The following ZNF831 variants were observed in gnomAD, a reference collection of about 807,000 sequenced individuals.
ZNF831 encodes zinc finger protein 831, also known as chromosome 20 open reading frame 174.
In ZNF831, 59 loss-of-function variants were observed where a neutral mutation model predicts 95.8. The ratio of observed to expected loss-of-function variants is 0.62; its 90% CI spans 0.50 to 0.77. The LOEUF (loss-of-function observed/expected upper bound fraction) is 0.77. ZNF831 is among the 30% of genes least tolerant of loss of function. The pLI is 0.00. For synonymous variants in ZNF831, 961 were observed against 925.5 expected (o/e 1.04, Z -0.70); for missense variants, 2,205 against 2,164.0 (o/e 1.02, Z -0.38).
At chr20:59,210,003 C>T (rs1985181256) in intron 4 of ZNF831, among the ~76,000 whole-genome samples, 1 of 152,162 alleles carries the variant, frequency 6.6e-6, no homozygotes, top group Non-Finnish European at 1.5e-5. Context: ...TCATACCCAT[C>T]CACAGGTTCC....
At position 59,210,989 on chromosome 20, in the gene ZNF831, C is replaced by T. The variant is rs1196299911; in HGVS notation, c.4027+3933C>T. On this transcript the variant is annotated intron_variant, in intron 4 of 5. Transcript: ENST00000371030. ...CGGAGCTTGCAGTGAGCCGAGATTG[C>T]GCCACTGCAGTCCGCAGTCCGGCCT... Among the ~76,000 whole-genome samples the T allele has an allele frequency of 5.1e-5, 4 of 79,108 alleles. 1 individual carries two copies. Among genetic ancestry groups the T allele is most frequent in the Non-Finnish European group, 9.4e-5 (4 of 42,696 alleles). The allele number at this position is 79,108 out of a possible 152,430, so 51.9% of individuals were successfully genotyped here. A position where few individuals can be genotyped will look rare whatever the true frequency, so the allele number is the denominator to read the frequency against.
chr20:59,238,353 C>A (rs966631155), intron 4 of ZNF831, among the ~76,000 whole-genome samples: 1 of 152,158 alleles, frequency 6.6e-6, no homozygotes, highest in Admixed American at 6.5e-5. Context: ...AGTGTCCTGA[C>A]CCCCCAGTTT....
In ZNF831 at chr20:59,129,788, C is replaced by T. The variant is rs146215605; in HGVS notation, c.-1425+6283C>T. On this transcript the variant is annotated intron_variant, in intron 1 of 7. Coordinates refer to the ZNF831 transcript ENST00000637017. The stretch of plus-strand genomic sequence containing the variant: ...GGAGAATGCTATACATTGACTCACA[C>T]GGTGTGCAGGATTGGCCTTTTTCAT... 1.0e-3 allele frequency among the ~76,000 whole-genome samples: 154 copies of T among 152,340 alleles called. 1 individual carries two copies. The highest frequency in any genetic ancestry group is 3.0e-3 in the African/African-American group (125 of 41,586).
In ZNF831 at chr20:59,254,299, C is replaced by A. The variant is rs780097193; in HGVS notation, c.4590C>A (p.Asp1530Glu). 1 of 1,614,064 alleles carries A rather than the reference C, an allele frequency of 6.2e-7. No homozygotes were observed. The highest frequency in any genetic ancestry group is 1.1e-5 in the South Asian group (1 of 91,060). Residue 1530 changes from aspartate (D) to glutamate (E), a missense_variant, in exon 6 of 6, where the codon GAC (aspartate) becomes GAA (glutamate). Physicochemically the swap from Asp to Glu is conservative, Grantham distance 45 (BLOSUM62 2). Coordinates refer to ENST00000371030, the MANE Select transcript of ZNF831 (RefSeq NM_178457.3). This position sits in a 1 kb window ranked among gnomAD's most constrained non-coding sequence, Gnocchi z 4.5. The part of the protein sequence containing the change: ...AGRTLTSSSP[D>E]SKVTEEGRAQ... ...GGACTCTGACATCAAGCTCCCCAGA[C>A]AGCAAAGTCACAGAAGAGGGCAGAG...
intron 1 of ZNF831, among the ~76,000 whole-genome samples, chr20:59,143,008 T>C (rs1203013344): frequency 6.6e-6 from 1 of 152,152 alleles, no homozygotes; most frequent in African/African-American, 2.4e-5. Flanking sequence ...AAAGGGATCC[T>C]CCTGCCACAG....
At chr20:59,166,554 A>G (rs1242282338) in intron 1 of ZNF831, among the ~76,000 whole-genome samples, 8 of 151,844 alleles carry the variant, frequency 5.3e-5, no homozygotes, top group Admixed American at 5.2e-4. Flanking sequence ...GGACACCCCA[A>G]ATCCCTCCTG....
chr20:59,244,479 G>A (rs1987495101), intron 4 of ZNF831, among the ~76,000 whole-genome samples: 1 of 152,164 alleles, frequency 6.6e-6, no homozygotes, highest in African/African-American at 2.4e-5. Context: ...ATTATTTTGA[G>A]TTTGAATTTT....
rs561801458 is a variant in ZNF831 at position 59,199,607 on chromosome 20, A to ATT, written c.3875+3602_3875+3603insTT. 7.5e-4 allele frequency among the ~76,000 whole-genome samples: 114 copies of ATT among 152,244 alleles called. 3 individuals carry two copies. In the East Asian group the frequency reaches 0.015, roughly 21 times the overall value. ...GTAGAGTGTCTCATCCATGAGTAAG[A>ATT]GTTTGCCCTTCATTCATATGCTTCC... On this transcript the variant is annotated intron_variant, in intron 3 of 5. Transcript: ENST00000371030.
intron 1 of ZNF831, among the ~76,000 whole-genome samples, chr20:59,131,010 T>A (rs776479097): frequency 2.6e-5 from 4 of 152,122 alleles, no homozygotes; most frequent in Non-Finnish European, 5.9e-5. Context: ...GCATGGTAGG[T>A]GCTCAGTAAA....
rs2146603510 is a variant in ZNF831, at chr20:59,194,672, A to G, written c.3653A>G (p.Asp1218Gly). 6.2e-7 allele frequency: 1 copy of G among 1,613,022 alleles called. No homozygotes were observed. The highest frequency in any genetic ancestry group is 8.5e-7 in the Non-Finnish European group (1 of 1,179,620). Residue 1218 changes from aspartate to glycine, a missense_variant, in exon 2 of 6, where the codon GAT becomes GGT. Coordinates refer to ENST00000371030, the MANE Select transcript of ZNF831 (RefSeq NM_178457.3). The stretch of plus-strand genomic sequence containing the variant: ...CACTTTCCTGGTAGCAGCCTCCGAG[A>G]TGAGGGTCCCAATGGCCCTCCTGGG... The part of the protein sequence containing the change: ...AVHFPGSSLR[D>G]EGPNGPPGSN...
rs756314247 is a variant in ZNF831 at position 59,169,115 on chromosome 20, G to T, written c.-37+4908G>T. On this transcript the variant is annotated intron_variant, in intron 1 of 5. Transcript: ENST00000371030. The surrounding 1 kb of genome is among the most constrained non-coding windows in gnomAD (Gnocchi z 4.1). ...TTTTCTGTTTTCCGGATAAAGTTGC[G>T]TCGAATTTGTGTTAATTCTTCTTTT... Among the ~76,000 whole-genome samples, 5 of 152,160 alleles carry T rather than the reference G, an allele frequency of 3.3e-5. No homozygotes were observed. The highest frequency in any genetic ancestry group is 1.3e-4 in the Admixed American group (2 of 15,278).
chr20:59,200,577 T>C (rs1176483087), intron 3 of ZNF831, among the ~76,000 whole-genome samples: 1 of 152,184 alleles, frequency 6.6e-6, no homozygotes, highest in Non-Finnish European at 1.5e-5. Flanking sequence ...ATCATGAACA[T>C]ATCTGTCAAG....
intron 4 of ZNF831, among the ~76,000 whole-genome samples, chr20:59,246,181 C>T (rs1198644448): frequency 6.6e-6 from 1 of 152,042 alleles, no homozygotes; most frequent in Non-Finnish European, 1.5e-5. Context: ...AGGGATGGGT[C>T]TGGGGGTCTC....
intron 4 of ZNF831, among the ~76,000 whole-genome samples, chr20:59,238,724 G>A (rs944468784): frequency 3.3e-5 from 5 of 152,182 alleles, no homozygotes; most frequent in Non-Finnish European, 7.3e-5. Flanking sequence ...ACCAAGATGA[G>A]ATCTTATATA....
At chr20:59,171,633 G>A (rs922739318) in intron 1 of ZNF831, among the ~76,000 whole-genome samples, 6 of 152,206 alleles carry the variant, frequency 3.9e-5, no homozygotes, top group African/African-American at 1.4e-4. Context: ...AGCCTAAATT[G>A]TAAAGTTAAC....
chr20:59,182,792 G>A (rs180677435), intron 1 of ZNF831, among the ~76,000 whole-genome samples: 13 of 152,262 alleles, frequency 8.5e-5, no homozygotes, highest in Admixed American at 6.5e-4. Context: ...GAATGAATTT[G>A]GGTGAAGTCA....
chr20:59,230,472 T>C (rs1302778806), intron 4 of ZNF831, among the ~76,000 whole-genome samples: 3 of 151,752 alleles, frequency 2.0e-5, no homozygotes, highest in Non-Finnish European at 4.4e-5. Flanking sequence ...AGAGTGAGAC[T>C]CTGTCTCACA....
chr20:59,220,753 C>A (rs1348649930), intron 4 of ZNF831, among the ~76,000 whole-genome samples: 1 of 152,176 alleles, frequency 6.6e-6, no homozygotes, highest in Non-Finnish European at 1.5e-5. Context: ...AAAGTCTCCT[C>A]AACCACCTTA....
At chr20:59,233,033 CACACACACACATAGAG>C (rs1986813783) in intron 4 of ZNF831, among the ~76,000 whole-genome samples, 1 of 144,352 alleles carries the variant, frequency 6.9e-6, no homozygotes, top group Non-Finnish European at 1.5e-5. Context: ...CACACACACA[CACACACACACATAGAG>C]AGAGAGAGAC....
Sources: allele counts gnomAD v4.1 joint callset (sites outside exome capture counted in the v4.1 genomes callset), GRCh38; gene constraint gnomAD v4.1.1; non-coding constraint Gnocchi (gnomAD v3.1); transcripts MANE v1.5; gene names NCBI Gene and HGNC (gene_info 2026-07-23, HGNC 2026-07-21).